The following EEIG2 variants were observed in gnomAD, a reference collection of about 807,000 sequenced individuals.
The protein encoded by EEIG2 is family with sequence similarity 102 member B.
the EEIG2 span, chr1:108,638,513 GTA>G: frequency 6.6e-6 from 1 of 152,194 alleles, no homozygotes; most frequent in Non-Finnish European, 1.5e-5. Context: ...CAGGCTTCCA[GTA>G]TATATAGCAA....
At chr1:108,582,194 T>C in the EEIG2 span, among the ~76,000 whole-genome samples, 17 of 152,300 alleles carry the variant, frequency 1.1e-4, no homozygotes, top group East Asian at 3.3e-3. Flanking sequence ...GACTAAAATA[T>C]AGTGTAGACA....
At chr1:108,584,797 T>TA in the EEIG2 span, among the ~76,000 whole-genome samples, 2 of 152,134 alleles carry the variant, frequency 1.3e-5, no homozygotes, top group Non-Finnish European at 2.9e-5. Flanking sequence ...ACAAATGACT[T>TA]ACAGGAAGTG....
At chr1:108,572,504 T>C in the EEIG2 span, among the ~76,000 whole-genome samples, 390 of 152,268 alleles carry the variant, frequency 2.6e-3, 1 homozygote, top group African/African-American at 9.1e-3. Flanking sequence ...TCTAATAACA[T>C]GTGTTCACCA....
At chr1:108,604,893 A>G in the EEIG2 span, among the ~76,000 whole-genome samples, 1 of 151,610 alleles carries the variant, frequency 6.6e-6, no homozygotes, top group Admixed American at 6.6e-5. Context: ...AGAAAAAAAA[A>G]ATTAGCTGGG....
the EEIG2 span, chr1:108,628,218 A>G: frequency 6.2e-7 from 1 of 1,614,168 alleles, no homozygotes; most frequent in Non-Finnish European, 8.5e-7. Context: ...GCCTGTGGAC[A>G]TTCTAGAACA....
chr1:108,638,394 A>G, the EEIG2 span: 1 of 152,264 alleles, frequency 6.6e-6, no homozygotes, highest in Non-Finnish European at 1.5e-5. Flanking sequence ...TTTAATTAAC[A>G]TACAGAAGTA....
At chr1:108,624,662 T>C in the EEIG2 span, 2 of 1,613,940 alleles carry the variant, frequency 1.2e-6, no homozygotes, top group Non-Finnish European at 1.7e-6. Context: ...TCCACTTCAA[T>C]GTCTATACCA....
chr1:108,579,770 T>TGAGAGAGAGAGAGA, the EEIG2 span, among the ~76,000 whole-genome samples: 42 of 23,190 alleles, frequency 1.8e-3, no homozygotes, highest in Middle Eastern at 0.06. Context: ...TGTGTGTGTG[T>TGAGAGAGAGAGAGA]GTGAGAGAGA....
the EEIG2 span, among the ~76,000 whole-genome samples, chr1:108,621,622 T>G: frequency 6.6e-6 from 1 of 152,116 alleles, no homozygotes; most frequent in Non-Finnish European, 1.5e-5. Context: ...TTGGGAGTTC[T>G]GAGGGTTGGA....
chr1:108,625,827 T>G, the EEIG2 span: 4 of 125,986 alleles, frequency 3.2e-5, no homozygotes, highest in Non-Finnish European at 5.1e-5. Context: ...TGTGTGTGTG[T>G]GGAGAGAGAG....
At chr1:108,575,234 CA>C in the EEIG2 span, among the ~76,000 whole-genome samples, 2 of 152,276 alleles carry the variant, frequency 1.3e-5, no homozygotes, top group East Asian at 3.9e-4. Flanking sequence ...TTATTAGAGT[CA>C]AAATGTCTGA....
chr1:108,585,990 A>G, the EEIG2 span, among the ~76,000 whole-genome samples: 2 of 152,042 alleles, frequency 1.3e-5, no homozygotes, highest in Non-Finnish European at 2.9e-5. Context: ...TCCTCCTCTG[A>G]TATTATAGAG....
chr1:108,579,985 G>A, the EEIG2 span, among the ~76,000 whole-genome samples: 16 of 151,952 alleles, frequency 1.1e-4, no homozygotes, highest in African/African-American at 2.2e-4. Flanking sequence ...GGCTGGTCTC[G>A]AGCACTTGGC....
chr1:108,599,941 A>G, the EEIG2 span, among the ~76,000 whole-genome samples: 1 of 152,222 alleles, frequency 6.6e-6, no homozygotes, highest in African/African-American at 2.4e-5. Context: ...GGTTGCAGTG[A>G]GCGGAGATCA....
At chr1:108,595,089 A>T in the EEIG2 span, among the ~76,000 whole-genome samples, 1 of 152,190 alleles carries the variant, frequency 6.6e-6, no homozygotes, top group African/African-American at 2.4e-5. Context: ...AACATATACG[A>T]TTAGGCATGT....
chr1:108,605,540 G>T, the EEIG2 span, among the ~76,000 whole-genome samples: 128 of 152,262 alleles, frequency 8.4e-4, no homozygotes, highest in African/African-American at 2.9e-3. Flanking sequence ...GGAGTGGGGA[G>T]TTTGGCCCTA....
At chr1:108,562,429 A>C in the EEIG2 span, among the ~76,000 whole-genome samples, 1 of 152,226 alleles carries the variant, frequency 6.6e-6, no homozygotes, top group Non-Finnish European at 1.5e-5. Flanking sequence ...AAGATTAGGA[A>C]TAGTGCTCTG....
the EEIG2 span, among the ~76,000 whole-genome samples, chr1:108,564,853 AG>A: frequency 6.6e-6 from 1 of 152,096 alleles, no homozygotes; most frequent in Non-Finnish European, 1.5e-5. Context: ...AGGCTGAGGT[AG>A]GAGGATCGCT....
At chr1:108,578,261 T>C in the EEIG2 span, among the ~76,000 whole-genome samples, 1 of 118,276 alleles carries the variant, frequency 8.5e-6, no homozygotes, top group Non-Finnish European at 1.7e-5. Flanking sequence ...ACAATTTGAC[T>C]TCCTCTTTTC....
Sources: allele counts gnomAD v4.1 joint callset (sites outside exome capture counted in the v4.1 genomes callset), GRCh38; gene constraint gnomAD v4.1.1; transcripts MANE v1.5; gene names NCBI Gene and HGNC (gene_info 2026-07-23, HGNC 2026-07-21).